The following PCDHA10 variants were observed in gnomAD, a reference collection of about 807,000 sequenced individuals.
The protein encoded by PCDHA10 is protocadherin alpha-10.
PCDHA10 carries 45 observed loss-of-function variants against 61.2 expected under a neutral mutation model. The observed-to-expected ratio is 0.74, with a 90% CI of 0.58 to 0.94. PCDHA10 has a LOEUF of 0.94. Ranked by LOEUF, PCDHA10 falls within the 40% of genes least tolerant of loss-of-function variation. PCDHA10 has a pLI of 0.00. For synonymous variants in PCDHA10, 602 were observed against 548.8 expected (o/e 1.10, Z -1.35); for missense variants, 1,278 against 1,236.2 (o/e 1.03, Z -0.51).
chr5:140,993,291 C>A (rs961103629), intron 3 of PCDHA10, among the ~76,000 whole-genome samples: 6 of 152,068 alleles, frequency 3.9e-5, no homozygotes, highest in African/African-American at 1.4e-4. Flanking sequence ...CCCAGGGTCA[C>A]AACCTTGCCT....
chr5:140,882,870 A>T, intron 1 of PCDHA10: 1 of 1,614,196 alleles, frequency 6.2e-7, no homozygotes, highest in South Asian at 1.1e-5. Flanking sequence ...AAAACACTGG[A>T]CAGAGAGGAA....
intron 1 of PCDHA10, among the ~76,000 whole-genome samples, chr5:140,908,736 A>G (rs2074127705): frequency 6.6e-6 from 1 of 152,180 alleles, no homozygotes; most frequent in African/African-American, 2.4e-5. Flanking sequence ...GGCTCGAGAA[A>G]CAGAGCAACT....
chr5:140,935,835 A>G (rs1405712064), intron 1 of PCDHA10, among the ~76,000 whole-genome samples: 3 of 151,830 alleles, frequency 2.0e-5, no homozygotes, highest in Admixed American at 6.6e-5. Flanking sequence ...CACATATTCC[A>G]TACTGCTTAA....
chr5:140,876,723 C>A (rs782820769), intron 1 of PCDHA10: 15 of 1,614,132 alleles, frequency 9.3e-6, no homozygotes, highest in East Asian at 2.2e-5. Context: ...ACCGCGAGAG[C>A]GTGTCGGCCT....
At chr5:140,862,076 C>A (rs782160778) in intron 1 of PCDHA10, 1 of 157,430 alleles carries the variant, frequency 6.4e-6, no homozygotes, top group Non-Finnish European at 1.4e-5. Context: ...TCTCCCCTAA[C>A]ATAGAAGCCC....
intron 1 of PCDHA10, chr5:140,966,642 GA>G (rs1563353190): frequency 3.1e-5 from 35 of 1,117,790 alleles, no homozygotes; most frequent in Non-Finnish European, 4.1e-5. Context: ...GCGCTTTCTA[GA>G]GCGTGAGCGG....
intron 1 of PCDHA10, among the ~76,000 whole-genome samples, chr5:140,952,427 C>T (rs2094744253): frequency 6.6e-6 from 1 of 152,162 alleles, no homozygotes; most frequent in African/African-American, 2.4e-5. Flanking sequence ...CAGATTCCTA[C>T]AGCACAGGCA....
intron 1 of PCDHA10, chr5:140,867,389 A>T (rs906088628): frequency 6.6e-5 from 10 of 152,166 alleles, no homozygotes; most frequent in Non-Finnish European, 1.2e-4. Context: ...TAACGGTTAT[A>T]AAAGTTGATA....
chr5:140,948,468 CT>C (rs1173060430), intron 1 of PCDHA10, among the ~76,000 whole-genome samples: 1 of 151,468 alleles, frequency 6.6e-6, no homozygotes, highest in African/African-American at 2.4e-5. Flanking sequence ...GGGAAAGTTT[CT>C]GATAATAAAT....
chr5:141,000,381 CTCTCTCTCTCTCTCTATATA>C (rs2097908619), intron 3 of PCDHA10, among the ~76,000 whole-genome samples: 2 of 61,370 alleles, frequency 3.3e-5, no homozygotes, highest in African/African-American at 7.4e-5. Context: ...CTCTCTCTCT[CTCTCTCTCTCTCTCTATATA>C]TATATATATA....
At chr5:140,950,669 G>C (rs1554219570) in intron 1 of PCDHA10, among the ~76,000 whole-genome samples, 1 of 151,992 alleles carries the variant, frequency 6.6e-6, no homozygotes, top group African/African-American at 2.4e-5. Flanking sequence ...TATCAAACAT[G>C]TACATGTATA....
At chr5:140,982,608 T>C (rs782789536) in intron 3 of PCDHA10, 45 bp downstream of exon 3, 1 of 1,601,306 alleles carries the variant, frequency 6.2e-7, no homozygotes, top group Non-Finnish European at 8.5e-7. Flanking sequence ...TTCTGGAAAG[T>C]GATCAGATGA....
chr5:140,928,252 G>A (rs1377533547), intron 1 of PCDHA10: 3 of 1,614,206 alleles, frequency 1.9e-6, no homozygotes, highest in East Asian at 2.2e-5. Flanking sequence ...GGAACTTTTC[G>A]TTGCTGAAAA....
chr5:141,000,904 T>A lies in PCDHA10; in HGVS notation c.2537-8723T>A, dbSNP rs1398868730. Among the ~76,000 whole-genome samples, 6 of 151,990 alleles carry A rather than the reference T, an allele frequency of 3.9e-5. No individual in the cohort carries two copies. The East Asian group carries it at 1.2e-3, about 29-fold the overall frequency. On this transcript the variant is annotated intron_variant, in intron 3 of 3. Coordinates refer to ENST00000307360, the MANE Select transcript of PCDHA10 (RefSeq NM_018901.4). ...ACCTGGGCAACAGATATAGACGCTGTCTCTAAAAAAAAAAATCCTGTGTGA... is the reference window on the plus strand; with the variant it reads ...ACCTGGGCAACAGATATAGACGCTGACTCTAAAAAAAAAAATCCTGTGTGA...
intron 1 of PCDHA10, among the ~76,000 whole-genome samples, chr5:140,881,901 T>C (rs1455904146): frequency 6.6e-6 from 1 of 152,208 alleles, no homozygotes; most frequent in Non-Finnish European, 1.5e-5. Context: ...TGTCAGCTAA[T>C]ATAAAATGTT....
chr5:140,989,681 A>C (rs1428237884), intron 3 of PCDHA10, among the ~76,000 whole-genome samples: 1 of 152,250 alleles, frequency 6.6e-6, no homozygotes, highest in Non-Finnish European at 1.5e-5. Flanking sequence ...CAGATTTCAA[A>C]GGAACGTGAA....
At chr5:140,982,391 G>T (rs539713475) in intron 2 of PCDHA10, 84 bp from the exon 3 acceptor site, 2 of 1,597,556 alleles carry the variant, frequency 1.3e-6, no homozygotes, top group South Asian at 1.1e-5. Flanking sequence ...TGGCTTCATA[G>T]TTGTAAGCAA....
At chr5:140,877,540 G>A (rs1044322759) in intron 1 of PCDHA10, 2 of 1,613,770 alleles carry the variant, frequency 1.2e-6, no homozygotes, top group East Asian at 2.2e-5. Flanking sequence ...TGTGGATCCC[G>A]AAGCGGCTCT....
rs79304807 is a variant in PCDHA10 at position 140,914,832 on chromosome 5, A to G, written c.2388+56396A>G. ...ACTTAACAGACTGCATAAACAAAAA[A>G]CAAACACACAAAAGGAAGACTAATA... On this transcript the variant is annotated intron_variant, in intron 1 of 3. Transcript: ENST00000307360. 8.0e-3 allele frequency among the ~76,000 whole-genome samples: 1,220 copies of G among 152,292 alleles called. 6 individuals carry two copies. Among genetic ancestry groups the G allele is most frequent in the African/African-American group, 0.019 (787 of 41,574 alleles).
Sources: gnomAD v4.1 joint callset for allele counts (sites outside exome capture counted in the v4.1 genomes callset) on GRCh38, gnomAD v4.1.1 for gene constraint, MANE v1.5 for transcripts, NCBI Gene and HGNC (gene_info 2026-07-23, HGNC 2026-07-21) for gene names.